PALM2AKAP2: variants seen among roughly 807,000 people sequenced by gnomAD.
PALM2AKAP2 encodes PALM2-AKAP2 fusion protein.
Under a neutral mutation model 71.5 loss-of-function variants are expected in PALM2AKAP2, and 37 were observed. That is an observed-to-expected ratio of 0.52 (90% CI 0.40 to 0.68). The LOEUF is 0.68. PALM2AKAP2 is among the 30% of genes least tolerant of loss of function. The pLI is 0.00. For missense variants in PALM2AKAP2, 1,224 were observed against 1,191.8 expected, an observed-to-expected ratio of 1.03 and a Z score of -0.40; for synonymous variants, 468 against 478.8, an observed-to-expected ratio of 0.98 and a Z score of 0.29.
chr9:109,746,482 T>C (rs1249959068), intron 1 of PALM2AKAP2, among the ~76,000 whole-genome samples: 1 of 152,190 alleles, frequency 6.6e-6, no homozygotes, highest in Non-Finnish European at 1.5e-5. Flanking sequence ...ATCATACACA[T>C]TCATATTTTA....
At chr9:110,028,436 T>C (rs1833219524) in intron 7 of PALM2AKAP2, among the ~76,000 whole-genome samples, 2 of 152,232 alleles carry the variant, frequency 1.3e-5, no homozygotes, top group African/African-American at 4.8e-5. Context: ...TGCTTTGAGC[T>C]GAGTACTGTG....
intron 1 of PALM2AKAP2, among the ~76,000 whole-genome samples, chr9:109,666,236 A>C (rs1827483164): frequency 6.6e-6 from 1 of 152,194 alleles, no homozygotes; most frequent in Non-Finnish European, 1.5e-5. Context: ...CAGGTACCTC[A>C]GTTGGAAATG....
intron 1 of PALM2AKAP2, among the ~76,000 whole-genome samples, chr9:109,720,262 T>C (rs1828385323): frequency 6.6e-6 from 1 of 152,202 alleles, no homozygotes; most frequent in African/African-American, 2.4e-5. Context: ...GTGCTGGGAT[T>C]ACAGGCATGA....
intron 2 of PALM2AKAP2, among the ~76,000 whole-genome samples, chr9:109,873,441 A>G (rs1829650650): frequency 7.2e-6 from 1 of 138,888 alleles, no homozygotes; most frequent in Admixed American, 8.0e-5. Flanking sequence ...ATCTCAAATT[A>G]AAAAATAAAA....
intron 1 of PALM2AKAP2, among the ~76,000 whole-genome samples, chr9:109,840,457 G>A (rs1363961725): frequency 6.6e-6 from 1 of 152,144 alleles, no homozygotes; most frequent in Non-Finnish European, 1.5e-5. Context: ...ATAGGCATGG[G>A]CAAGGACTTC....
At chr9:109,933,656 C>CA (rs1470712508) in intron 6 of PALM2AKAP2, among the ~76,000 whole-genome samples, 1 of 152,182 alleles carries the variant, frequency 6.6e-6, no homozygotes, top group Non-Finnish European at 1.5e-5. Context: ...GAAGATCCTG[C>CA]AAAACATGAT....
At chr9:109,976,972 GCAATATGC>G (rs1225389827) in intron 6 of PALM2AKAP2, among the ~76,000 whole-genome samples, 2 of 151,948 alleles carry the variant, frequency 1.3e-5, no homozygotes, top group African/African-American at 4.8e-5. Flanking sequence ...CTTAGCAAAA[GCAATATGC>G]CAGTGGTGCT....
At chr9:109,768,791 CAG>C (rs1346639680) in intron 1 of PALM2AKAP2, among the ~76,000 whole-genome samples, 1 of 152,084 alleles carries the variant, frequency 6.6e-6, no homozygotes, top group African/African-American at 2.4e-5. Context: ...TGAATGAATT[CAG>C]TAATATAGTC....
chr9:109,672,163 G>A (rs1827583104), intron 1 of PALM2AKAP2, among the ~76,000 whole-genome samples: 1 of 152,256 alleles, frequency 6.6e-6, no homozygotes, highest in South Asian at 2.1e-4. Context: ...GTGAAAGAGG[G>A]CATCCTTGTC....
At chr9:109,945,006 T>C (rs1345083205) in intron 6 of PALM2AKAP2, 1 of 152,180 alleles carries the variant, frequency 6.6e-6, no homozygotes, top group African/African-American at 2.4e-5. Context: ...GTCTAACTTC[T>C]GTGGAAAGTA....
intron 1 of PALM2AKAP2, among the ~76,000 whole-genome samples, chr9:109,795,540 C>T (rs1229105936): frequency 6.6e-6 from 1 of 152,182 alleles, no homozygotes; most frequent in African/African-American, 2.4e-5. Flanking sequence ...TTTTCAGCTC[C>T]TATGTGAACT....
intron 1 of PALM2AKAP2, among the ~76,000 whole-genome samples, chr9:109,859,392 A>G (rs1829252757): frequency 6.6e-6 from 1 of 152,190 alleles, no homozygotes; most frequent in African/African-American, 2.4e-5. Context: ...TAACAACAAT[A>G]TATTTTAGAT....
intron 1 of PALM2AKAP2, among the ~76,000 whole-genome samples, chr9:110,076,916 G>A (rs761174374): frequency 1.3e-5 from 2 of 152,080 alleles, no homozygotes; most frequent in African/African-American, 2.4e-5. Flanking sequence ...TGTTTATTTC[G>A]TGGGCAATTC....
intron 6 of PALM2AKAP2, among the ~76,000 whole-genome samples, chr9:110,007,702 C>T (rs1832809932): frequency 6.6e-6 from 1 of 152,066 alleles, no homozygotes. Context: ...TTCCCTTTCA[C>T]CCTGTGAAGG....
chr9:109,676,343 G>C (rs796929684), intron 1 of PALM2AKAP2, among the ~76,000 whole-genome samples: 1 of 152,174 alleles, frequency 6.6e-6, no homozygotes, highest in African/African-American at 2.4e-5. Context: ...AATGAGAAAA[G>C]TAGTCCAGGA....
intron 1 of PALM2AKAP2, among the ~76,000 whole-genome samples, chr9:109,808,829 C>T (rs1827648953): frequency 1.3e-5 from 2 of 152,246 alleles, no homozygotes; most frequent in Admixed American, 1.3e-4. Context: ...CTGCTTTGTG[C>T]AGTCTTGAGA....
upstream of PALM2AKAP2, chr9:109,780,312 G>C: frequency 7.4e-7 from 1 of 1,357,734 alleles, no homozygotes; most frequent in South Asian, 1.8e-5. Context: ...GGCTGAGCCC[G>C]GGCGAGCCCG....
intron 2 of PALM2AKAP2, among the ~76,000 whole-genome samples, chr9:109,879,078 A>G (rs149982351): frequency 2.0e-5 from 3 of 152,306 alleles, no homozygotes; most frequent in Admixed American, 2.0e-4. Flanking sequence ...TCATAATAAA[A>G]TGCCCTTAAT....
At chr9:110,043,088 C>T (rs1403767230) in intron 7 of PALM2AKAP2, among the ~76,000 whole-genome samples, 1 of 152,128 alleles carries the variant, frequency 6.6e-6, no homozygotes, top group Non-Finnish European at 1.5e-5. Context: ...ACCCTTCTAC[C>T]CTCTATCTTC....
Sources: allele counts gnomAD v4.1 joint callset (sites outside exome capture counted in the v4.1 genomes callset), GRCh38; gene constraint gnomAD v4.1.1; transcripts MANE v1.5; gene names NCBI Gene and HGNC (gene_info 2026-07-23, HGNC 2026-07-21).